RNF145: variants seen among roughly 807,000 people sequenced by gnomAD.
RNF145 encodes ring finger protein 145.
Under a neutral mutation model 57.3 loss-of-function variants are expected in RNF145, and 12 were observed. That is an observed-to-expected ratio of 0.21 (90% confidence interval 0.13 to 0.34). The LOEUF (loss-of-function observed/expected upper bound fraction) is 0.34, where lower values mean the gene tolerates loss of function less well. RNF145 is among the 10% of genes least tolerant of loss of function. The probability of loss-of-function intolerance (pLI) is 1.00; values close to 1 mark genes in which losing one functional copy is unlikely to be tolerated. For synonymous variants in RNF145, 262 were observed against 288.3 expected (o/e 0.91, Z 0.92); for missense variants, 429 against 799.0 (o/e 0.54, Z 5.58).
chr5:159,209,721 C>G, upstream of RNF145: 1 of 1,109,652 alleles, frequency 9.0e-7, no homozygotes. Flanking sequence ...GCCCATACAG[C>G]CCGGCTCGGG....
rs754436276 is a variant in RNF145, at chr5:159,161,317, A to G, written c.1575T>C (p.Ala525=). 3 of 1,613,888 alleles carry G rather than the reference A, an allele frequency of 1.9e-6. No homozygotes were observed. The African/African-American group carries it at 4.0e-5, about 22-fold the overall frequency. The change falls in exon 10 of 11, where the codon GCT becomes GCC. Residue 525 remains alanine (A), a synonymous_variant. Transcript: ENST00000424310. ...AVNKIKSLPI[A]TKEQLEKHND... ...TGTGTTTCTCAAGCTGCTCTTTCGT[A>G]GCAATGGGTAACGATTTAATCTTAT...
At chr5:159,166,669 ATTCC>A (rs1784401365) in intron 8 of RNF145, among the ~76,000 whole-genome samples, 1 of 152,220 alleles carries the variant, frequency 6.6e-6, no homozygotes, top group Non-Finnish European at 1.5e-5. Context: ...TGTGGTCTCT[ATTCC>A]ACTGGTCTAC....
intron 3 of RNF145, among the ~76,000 whole-genome samples, chr5:159,186,907 C>G (rs1196167647): frequency 6.6e-6 from 1 of 152,098 alleles, no homozygotes; most frequent in Non-Finnish European, 1.5e-5. Context: ...CACTTGAGCC[C>G]TGGAGGCGGA....
chr5:159,185,508 T>C (rs934180587), intron 3 of RNF145, among the ~76,000 whole-genome samples: 1 of 152,174 alleles, frequency 6.6e-6, no homozygotes, highest in Non-Finnish European at 1.5e-5. Flanking sequence ...GGATGGTCAT[T>C]CACAACATAA....
chr5:159,174,177 T>C lies in RNF145; in HGVS notation c.622-19A>G, dbSNP rs373111330. The C allele has an allele frequency of 2.6e-6, 4 of 1,564,030 alleles. No individual in the cohort carries two copies. Among genetic ancestry groups the C allele is most frequent in the African/African-American group, 1.4e-5 (1 of 72,682 alleles). Reference sequence around the variant, plus strand: ...CCACTACCTAAATAAAAACGTAAGATAGGAAAACTTCTTGCATCACCATCA... The same window carrying C: ...CCACTACCTAAATAAAAACGTAAGACAGGAAAACTTCTTGCATCACCATCA... On this transcript the variant is annotated intron_variant, in intron 5 of 10. Coordinates refer to ENST00000424310, the MANE Select transcript of RNF145 (RefSeq NM_001199383.2).
intron 1 of RNF145, among the ~76,000 whole-genome samples, chr5:159,204,153 T>C (rs750814414): frequency 1.3e-5 from 2 of 152,190 alleles, no homozygotes; most frequent in Non-Finnish European, 2.9e-5. Flanking sequence ...ACAATCAAAA[T>C]TGAAGTGCTA....
intron 2 of RNF145, among the ~76,000 whole-genome samples, chr5:159,198,991 T>C (rs1339198023): frequency 6.6e-6 from 1 of 152,068 alleles, no homozygotes; most frequent in Admixed American, 6.6e-5. Flanking sequence ...TACATACATA[T>C]ATATAAAATT....
At chr5:159,201,030 C>A (rs1785643635) in intron 2 of RNF145, among the ~76,000 whole-genome samples, 1 of 152,048 alleles carries the variant, frequency 6.6e-6, no homozygotes, top group African/African-American at 2.4e-5. Flanking sequence ...AATAGTAAAA[C>A]CCTATGGAAA....
At chr5:159,196,133 A>G (rs1239165572) in intron 2 of RNF145, among the ~76,000 whole-genome samples, 1 of 152,084 alleles carries the variant, frequency 6.6e-6, no homozygotes, top group African/African-American at 2.4e-5. Context: ...CTATACTTCA[A>G]GCTTGTCCAA....
chr5:159,176,263 T>C (rs13158488), intron 5 of RNF145, among the ~76,000 whole-genome samples: 21,252 of 152,094 alleles, frequency 0.14, 1,648 homozygotes, highest in Non-Finnish European at 0.19. Context: ...ATATGGAACA[T>C]TGTCTGCCTG....
intron 10 of RNF145, among the ~76,000 whole-genome samples, chr5:159,159,538 G>T (rs1784145997): frequency 6.6e-6 from 1 of 152,146 alleles, no homozygotes; most frequent in African/African-American, 2.4e-5. Context: ...TCTCATTACG[G>T]ACAATGTATA....
At chr5:159,160,359 T>C (rs1198478732) in intron 10 of RNF145, among the ~76,000 whole-genome samples, 2 of 152,200 alleles carry the variant, frequency 1.3e-5, no homozygotes, top group Non-Finnish European at 2.9e-5. Context: ...AGCTGTATTT[T>C]ACTATCAGAA....
At chr5:159,199,146 A>G (rs1785576483) in intron 2 of RNF145, among the ~76,000 whole-genome samples, 1 of 152,190 alleles carries the variant, frequency 6.6e-6, no homozygotes, top group South Asian at 2.1e-4. Context: ...AATAATTGCT[A>G]TGGTAGAGAT....
chr5:159,207,688 T>G (rs916710087), intron 1 of RNF145: 1 of 1,613,098 alleles, frequency 6.2e-7, no homozygotes. Flanking sequence ...ACATAAGCAA[T>G]GGCACATGTT....
chr5:159,169,447 G>A lies in RNF145; in HGVS notation c.938+232C>T, dbSNP rs116380931. On this transcript the variant is annotated intron_variant, in intron 7 of 10. Coordinates refer to ENST00000424310, the MANE Select transcript of RNF145 (RefSeq NM_001199383.2). ...TGAAAATCTCTTAAAGAAATCTAGG[G>A]AAGGAAGGTGCCCAATATTCATCAT... Among the ~76,000 whole-genome samples the A allele has an allele frequency of 6.3e-3, 958 of 152,256 alleles. 9 individuals are homozygous for A. The highest frequency in any genetic ancestry group is 0.022 in the African/African-American group (919 of 41,546).
intron 5 of RNF145, among the ~76,000 whole-genome samples, chr5:159,176,055 A>G (rs1584678750): frequency 6.6e-6 from 1 of 152,152 alleles, no homozygotes; most frequent in East Asian, 1.9e-4. Flanking sequence ...TTATGTTGGC[A>G]AAGTCAATTC....
intron 4 of RNF145, among the ~76,000 whole-genome samples, chr5:159,180,108 G>C (rs1054939497): frequency 2.0e-5 from 3 of 152,090 alleles, no homozygotes; most frequent in African/African-American, 7.2e-5. Flanking sequence ...AGGGAAGAAG[G>C]AGAGGGAGGG....
Position 159,169,875 on chromosome 5 carries a change from C to A in RNF145, c.798-56G>T, listed in dbSNP as rs527253309. 191 of 1,371,992 alleles carry A rather than the reference C, an allele frequency of 1.4e-4. 1 individual carries two copies. The East Asian group carries it at 4.7e-3, about 34-fold the overall frequency. The allele number at this position is 1,371,992 out of a possible 1,614,324, so 85.0% of individuals were successfully genotyped here. Reference sequence around the variant, plus strand: ...ATAAACTTTCCATTTGGAGTAAACACATTTGAGGCCTTTAAATAATCACCA... The same window carrying A: ...ATAAACTTTCCATTTGGAGTAAACAAATTTGAGGCCTTTAAATAATCACCA... On this transcript the variant is annotated intron_variant, in intron 6 of 10. Transcript: ENST00000424310.
intron 3 of RNF145, among the ~76,000 whole-genome samples, chr5:159,193,426 C>G (rs535154188): frequency 1.3e-5 from 2 of 152,246 alleles, no homozygotes; most frequent in African/African-American, 4.8e-5. Flanking sequence ...GAGTAAGCTT[C>G]TGGGAAACAC....
Sources: allele counts gnomAD v4.1 joint callset (sites outside exome capture counted in the v4.1 genomes callset), GRCh38; gene constraint gnomAD v4.1.1; transcripts MANE v1.5; gene names NCBI Gene and HGNC (gene_info 2026-07-23, HGNC 2026-07-21).